The following ETS1 variants were observed in gnomAD, a reference collection of about 807,000 sequenced individuals.
ETS1 encodes ETS proto-oncogene 1, transcription factor.
Under a neutral mutation model 58.6 loss-of-function variants are expected in ETS1, and 15 were observed. The observed-to-expected ratio is 0.26, with a 90% confidence interval of 0.17 to 0.39. ETS1 has a LOEUF of 0.39. ETS1 is among the 10% of genes least tolerant of loss of function. ETS1 has a pLI of 1.00. For missense variants in ETS1, 417 were observed against 610.5 expected, an observed-to-expected ratio of 0.68 and a Z score of 3.34; for synonymous variants, 214 against 218.2, an observed-to-expected ratio of 0.98 and a Z score of 0.17.
At chr11:128,516,397 G>T (rs891794615) in intron 3 of ETS1, among the ~76,000 whole-genome samples, 2 of 152,176 alleles carry the variant, frequency 1.3e-5, no homozygotes, top group African/African-American at 4.8e-5. Context: ...TGCTATCAGA[G>T]GTTCCTTGTG....
intron 3 of ETS1, among the ~76,000 whole-genome samples, chr11:128,522,756 C>A (rs993806397): frequency 6.6e-6 from 1 of 152,340 alleles, no homozygotes; most frequent in African/African-American, 2.4e-5. Flanking sequence ...AGTGCGTGTA[C>A]ATCATTCATT....
rs1864628211 is a variant in ETS1 at position 128,571,462 on chromosome 11, G to GAGACTCCGTCCAGCCTGGGCGACAGAGCA, written c.69+1571_69+1599dup. ...CTCCGTCCAGCCTGGGCGACAGAGC[G>GAGACTCCGTCCAGCCTGGGCGACAGAGCA]AGACTCCGTCCAGCCTGGGCGACAG... On this transcript the variant is annotated intron_variant, in intron 2 of 9. Coordinates refer to ENST00000392668, the MANE Select transcript of ETS1 (RefSeq NM_001143820.2). Among the ~76,000 whole-genome samples, 2 of 99,106 alleles carry GAGACTCCGTCCAGCCTGGGCGACAGAGCA rather than the reference G, an allele frequency of 2.0e-5. 1 individual carries two copies. The highest frequency in any genetic ancestry group is 2.5e-4 in the Admixed American group (2 of 7,886). The allele number at this position is 99,106 out of a possible 152,430, so 65.0% of individuals were successfully genotyped here. A position where few individuals can be genotyped will look rare whatever the true frequency, so the allele number is the denominator to read the frequency against.
chr11:128,573,166 C>T (rs200179299), intron 1 of ETS1, 22 bp from the exon 2 acceptor site: 49 of 1,517,126 alleles, frequency 3.2e-5, no homozygotes, highest in African/African-American at 1.8e-4. Context: ...AAGGCGTTGG[C>T]TGAGCCTCTG....
Position 128,549,220 on chromosome 11 carries a change from C to T in ETS1, c.214+7071G>A, listed in dbSNP as rs896572839. ...GGCCAGACACAGCACTACAGGCTGT[C>T]CCTGCGGCGCAGCCCGCCCCCACCC... On this transcript the variant is annotated intron_variant, in intron 3 of 9. Coordinates refer to ENST00000392668, the MANE Select transcript of ETS1 (RefSeq NM_001143820.2). This position sits in a 1 kb window ranked among gnomAD's most constrained non-coding sequence, Gnocchi z 4.3. 2.0e-3 allele frequency among the ~76,000 whole-genome samples: 310 copies of T among 152,300 alleles called. 2 individuals are homozygous for T. Among genetic ancestry groups the T allele is most frequent in the African/African-American group, 7.1e-3 (297 of 41,554 alleles).
intron 8 of ETS1, among the ~76,000 whole-genome samples, chr11:128,477,605 C>T (rs926162136): frequency 6.6e-6 from 1 of 152,064 alleles, no homozygotes; most frequent in African/African-American, 2.4e-5. Context: ...GAGGTGTTCA[C>T]CAGGTATCAA....
At chr11:128,581,416 T>C (rs773445226) in intron 1 of ETS1, among the ~76,000 whole-genome samples, 3 of 152,214 alleles carry the variant, frequency 2.0e-5, no homozygotes, top group Non-Finnish European at 4.4e-5. Flanking sequence ...GTACAAATGC[T>C]ATGCCTCAAA....
intron 3 of ETS1, chr11:128,530,504 A>G (rs1863878150): frequency 6.6e-6 from 1 of 152,236 alleles, no homozygotes; most frequent in African/African-American, 2.4e-5. Context: ...AGAATGAAGA[A>G]AGCAGAAAGC....
chr11:128,567,799 A>AT (rs1864535861), intron 2 of ETS1, among the ~76,000 whole-genome samples: 1 of 151,854 alleles, frequency 6.6e-6, no homozygotes, highest in Non-Finnish European at 1.5e-5. Flanking sequence ...CACCCGGCTA[A>AT]TTTTTTGTAT....
intron 3 of ETS1, among the ~76,000 whole-genome samples, chr11:128,491,298 C>T (rs887549639): frequency 6.6e-6 from 1 of 152,216 alleles, no homozygotes; most frequent in Non-Finnish European, 1.5e-5. Flanking sequence ...GAAATAGTCT[C>T]CACAGGAGCT....
chr11:128,516,769 C>A (rs1011358840), intron 3 of ETS1, among the ~76,000 whole-genome samples: 1 of 152,152 alleles, frequency 6.6e-6, no homozygotes, highest in Non-Finnish European at 1.5e-5. Flanking sequence ...GAGGCATAGG[C>A]AGCAAATGCA....
At chr11:128,466,100 G>C (rs1334637677) in intron 8 of ETS1, among the ~76,000 whole-genome samples, 3 of 152,200 alleles carry the variant, frequency 2.0e-5, no homozygotes, top group Admixed American at 2.0e-4. Flanking sequence ...GCAGGACACG[G>C]GATAGCCAGT....
rs1196211070 is a variant in ETS1 at position 128,459,562 on chromosome 11, T to C, written c.*2799A>G. On this transcript the variant is annotated 3_prime_UTR_variant, in exon 10 of 10. Transcript: ENST00000392668. ...AAAGGTTAAGGCATCTCTGGGAAAA[T>C]AAGGGTTTCACCCAGCTAGACCAGA... 3 of 152,734 alleles carry C rather than the reference T, an allele frequency of 2.0e-5. No individual in the cohort carries two copies. Among genetic ancestry groups the C allele is most frequent in the African/African-American group, 2.4e-5 (1 of 41,444 alleles). The allele number at this position is 152,734 out of a possible 1,614,324, so 9.5% of individuals were successfully genotyped here.
intron 3 of ETS1, among the ~76,000 whole-genome samples, chr11:128,550,800 G>A (rs1864216884): frequency 6.6e-6 from 1 of 152,220 alleles, no homozygotes; most frequent in Non-Finnish European, 1.5e-5. Flanking sequence ...AAAGACAGGA[G>A]TTTAATTCCC....
At chr11:128,584,993 AGG>A (rs1565420846) in intron 1 of ETS1, among the ~76,000 whole-genome samples, 1,013 of 54,304 alleles carry the variant, frequency 0.019, 153 homozygotes, top group Non-Finnish European at 0.021. Context: ...AAAGAAAGGA[AGG>A]AAGGAAGGAA....
intron 8 of ETS1, among the ~76,000 whole-genome samples, chr11:128,466,474 C>T (rs774211342): frequency 1.7e-4 from 26 of 152,208 alleles, no homozygotes; most frequent in Non-Finnish European, 3.4e-4. Context: ...ACCTTCAATT[C>T]CCGTGGTTTG....
chr11:128,484,391 C>T (rs1435757051), intron 7 of ETS1, among the ~76,000 whole-genome samples: 1 of 152,162 alleles, frequency 6.6e-6, no homozygotes, highest in Non-Finnish European at 1.5e-5. Flanking sequence ...CTAGGATCTA[C>T]AGTCAGACCC....
intron 3 of ETS1, chr11:128,497,575 G>A: frequency 1.0e-6 from 1 of 984,730 alleles, no homozygotes; most frequent in African/African-American, 1.7e-5. Context: ...TGACTCACCA[G>A]GCTCACACAT....
chr11:128,504,894 T>G (rs1412458103), intron 3 of ETS1: 1 of 152,242 alleles, frequency 6.6e-6, no homozygotes, highest in Non-Finnish European at 1.5e-5. Context: ...AGATTCATGA[T>G]GCTATCCACT....
In ETS1 at chr11:128,485,016, G is replaced by A. The variant is rs1381402463; in HGVS notation, c.669C>T (p.Ser223=). 1.2e-6 allele frequency: 2 copies of A among 1,613,808 alleles called. No individual in the cohort carries two copies. The highest frequency in any genetic ancestry group is 3.3e-5 in the Admixed American group (2 of 60,002). ...GCGTCTGATAGGACTCTGTGATGAAGCTGGGCTCTGAGAACTCCGATGGTG... is the reference window on the plus strand; with the variant it reads ...GCGTCTGATAGGACTCTGTGATGAAACTGGGCTCTGAGAACTCCGATGGTG... The part of the protein sequence containing the change: ...CVPPSEFSEP[S]FITESYQTLH... The change falls in exon 7 of 10, where the codon AGC becomes AGT. Residue 223 remains serine, a synonymous_variant. Coordinates refer to ENST00000392668, the MANE Select transcript of ETS1 (RefSeq NM_001143820.2).
Sources: gnomAD v4.1 joint callset for allele counts (sites outside exome capture counted in the v4.1 genomes callset) on GRCh38, gnomAD v4.1.1 for gene constraint, Gnocchi (gnomAD v3.1) non-coding constraint, MANE v1.5 for transcripts, NCBI Gene and HGNC (gene_info 2026-07-23, HGNC 2026-07-21) for gene names.